DTD1: variants seen among roughly 807,000 people sequenced by gnomAD.
DTD1 encodes the protein D-tyrosyl-tRNA deacylase 1 homolog.
In DTD1, 13 loss-of-function variants were observed where a neutral mutation model predicts 25.6. That is an observed-to-expected ratio of 0.51 (90% CI 0.33 to 0.81). The LOEUF is 0.81. Ranked by LOEUF, DTD1 falls within the 30% of genes least tolerant of loss-of-function variation. The pLI is 0.02. For synonymous variants in DTD1, 110 were observed against 103.6 expected, an observed-to-expected ratio of 1.06 and a Z score of -0.37; for missense variants, 193 against 266.4, an observed-to-expected ratio of 0.72 and a Z score of 1.92.
intron 3 of DTD1, among the ~76,000 whole-genome samples, chr20:18,624,364 A>G (rs1600326693): frequency 6.6e-6 from 1 of 152,206 alleles, no homozygotes; most frequent in African/African-American, 2.4e-5. Context: ...ACCCTATCCC[A>G]TTATCACAGT....
chr20:18,628,787 A>G (rs557516945), intron 4 of DTD1, among the ~76,000 whole-genome samples: 6 of 152,316 alleles, frequency 3.9e-5, no homozygotes, highest in Admixed American at 2.6e-4. Flanking sequence ...GATGCTTAGC[A>G]TACTTGTAAA....
chr20:18,699,135 G>A (rs2061091752), intron 4 of DTD1, among the ~76,000 whole-genome samples: 2 of 152,216 alleles, frequency 1.3e-5, no homozygotes, highest in African/African-American at 4.8e-5. Flanking sequence ...TAGGTCAAGA[G>A]AGCCTGCCTT....
intron 4 of DTD1, among the ~76,000 whole-genome samples, chr20:18,701,258 C>G (rs889981459): frequency 1.3e-5 from 2 of 152,148 alleles, no homozygotes; most frequent in African/African-American, 4.8e-5. Context: ...AGTTTTACAG[C>G]TGGAGAGAAA....
In DTD1 at chr20:18,708,307, T is replaced by A. The variant is rs995654286; in HGVS notation, c.478-35793T>A. On this transcript the variant is annotated intron_variant, in intron 4 of 5. Transcript: ENST00000377452. ...ATATTATATATATATAATATATATA[T>A]TTTATATATATATTATATATATATA... 1.7e-3 allele frequency among the ~76,000 whole-genome samples: 88 copies of A among 51,092 alleles called. 3 individuals are homozygous for A. The highest frequency in any genetic ancestry group is 2.9e-3 in the Non-Finnish European group (77 of 26,704). The allele number at this position is 51,092 out of a possible 152,430, so 33.5% of individuals were successfully genotyped here.
At chr20:18,638,170 CCCATCCATCCAT>C (rs55689427) in intron 4 of DTD1, among the ~76,000 whole-genome samples, 45,804 of 150,358 alleles carry the variant, frequency 0.3, 7,764 homozygotes, top group South Asian at 0.42. Flanking sequence ...CCTCCATCTG[CCCATCCATCCAT>C]CCATCCATCC....
intron 4 of DTD1, among the ~76,000 whole-genome samples, chr20:18,659,359 A>T (rs746367367): frequency 6.6e-6 from 1 of 152,038 alleles, no homozygotes; most frequent in Non-Finnish European, 1.5e-5. Context: ...ATTCTCCTCG[A>T]TTTGCAGACT....
rs73902836 is a variant in DTD1 at position 18,694,518 on chromosome 20, T to C, written c.478-49582T>C. 5.6e-3 allele frequency among the ~76,000 whole-genome samples: 854 copies of C among 152,258 alleles called. 6 individuals are homozygous for C. The highest frequency in any genetic ancestry group is 0.02 in the African/African-American group (815 of 41,540). On this transcript the variant is annotated intron_variant, in intron 4 of 5. Transcript: ENST00000377452. ...TGCTTAGCACTCACCATTTAATACATTGAGGCTATTATTACGGTAACCTTT... is the reference window on the plus strand; with the variant it reads ...TGCTTAGCACTCACCATTTAATACACTGAGGCTATTATTACGGTAACCTTT...
At chr20:18,711,945 T>A (rs968229620) in intron 4 of DTD1, among the ~76,000 whole-genome samples, 2 of 151,768 alleles carry the variant, frequency 1.3e-5, no homozygotes, top group Non-Finnish European at 2.9e-5. Flanking sequence ...GGCACGTGCC[T>A]GTAATCCCAG....
At chr20:18,670,205 C>G (rs2060946930) in intron 4 of DTD1, among the ~76,000 whole-genome samples, 1 of 152,074 alleles carries the variant, frequency 6.6e-6, no homozygotes, top group Admixed American at 6.5e-5. Flanking sequence ...GCGTATAATC[C>G]CACGCTTTGG....
chr20:18,713,121 G>C (rs1024465952), intron 4 of DTD1, among the ~76,000 whole-genome samples: 1 of 152,236 alleles, frequency 6.6e-6, no homozygotes, highest in Non-Finnish European at 1.5e-5. Flanking sequence ...ATGGCCTCCT[G>C]CCGAGGCTGG....
chr20:18,745,763 G>A (rs1353886518), intron 5 of DTD1, among the ~76,000 whole-genome samples: 2 of 152,162 alleles, frequency 1.3e-5, no homozygotes, highest in African/African-American at 4.8e-5. Context: ...GAAATAGGAG[G>A]TCTGGATTGT....
intron 4 of DTD1, among the ~76,000 whole-genome samples, chr20:18,705,232 C>T (rs1177108148): frequency 5.3e-5 from 8 of 152,180 alleles, no homozygotes; most frequent in Admixed American, 3.9e-4. Flanking sequence ...TTTTGCTTTT[C>T]AGGATATCAG....
intron 3 of DTD1, among the ~76,000 whole-genome samples, chr20:18,606,228 A>T (rs2060657006): frequency 6.8e-6 from 1 of 147,036 alleles, no homozygotes; most frequent in Non-Finnish European, 1.5e-5. Context: ...CCACTATGAG[A>T]TACCATCTCA....
chr20:18,707,233 A>G lies in DTD1; in HGVS notation c.478-36867A>G, dbSNP rs1038011433. On this transcript the variant is annotated intron_variant, in intron 4 of 5. Coordinates refer to ENST00000377452, the MANE Select transcript of DTD1 (RefSeq NM_080820.6). ...TCAGAAAGAGAGTTTCGTTCGATAA[A>G]TAAAGCACATGATCATCAATTCTGG... 3.5e-4 allele frequency among the ~76,000 whole-genome samples: 54 copies of G among 152,256 alleles called. 3 individuals are homozygous for G. The highest frequency in any genetic ancestry group is 4.4e-5 in the Non-Finnish European group (3 of 68,052).
At chr20:18,698,361 A>T (rs2061088302) in intron 4 of DTD1, 1 of 152,188 alleles carries the variant, frequency 6.6e-6, no homozygotes, top group Non-Finnish European at 1.5e-5. Context: ...ATCTTCTATT[A>T]CTTTGAAGCA....
At chr20:18,689,699 T>A (rs1235282807) in intron 4 of DTD1, among the ~76,000 whole-genome samples, 1 of 152,116 alleles carries the variant, frequency 6.6e-6, no homozygotes, top group Non-Finnish European at 1.5e-5. Flanking sequence ...ACCAGCACTG[T>A]CCAATAGAAT....
intron 3 of DTD1, among the ~76,000 whole-genome samples, chr20:18,606,436 C>T (rs1185577025): frequency 7.5e-6 from 1 of 134,016 alleles, no homozygotes; most frequent in African/African-American, 2.8e-5. Flanking sequence ...GGGTATATAC[C>T]CAAAGGACTA....
chr20:18,606,048 C>A, intron 3 of DTD1, among the ~76,000 whole-genome samples: 1 of 137,228 alleles, frequency 7.3e-6, no homozygotes, highest in East Asian at 2.1e-4. Flanking sequence ...GGCTAATATC[C>A]AGAATCTACA....
intron 1 of DTD1, chr20:18,588,694 C>G: frequency 1.0e-6 from 1 of 984,928 alleles, no homozygotes; most frequent in African/African-American, 1.7e-5. Context: ...CCCAGGACGC[C>G]CCTCGCCCTC....
Sources: gnomAD v4.1 joint callset for allele counts (sites outside exome capture counted in the v4.1 genomes callset) on GRCh38, gnomAD v4.1.1 for gene constraint, MANE v1.5 for transcripts, NCBI Gene and HGNC (gene_info 2026-07-23, HGNC 2026-07-21) for gene names.